Variants in ATG7 observed in about 807,000 individuals in gnomAD.
ATG7 encodes ubiquitin-like modifier-activating enzyme ATG7.
ATG7 carries 70 observed loss-of-function variants against 82.4 expected under a neutral mutation model. The observed-to-expected ratio is 0.85, with a 90% CI of 0.70 to 1.04. ATG7 has a LOEUF of 1.04. Among genes scored for constraint, ATG7 ranks in the 50% least tolerant of loss-of-function variants. The pLI is 0.00. For missense variants in ATG7, 792 were observed against 864.3 expected, an observed-to-expected ratio of 0.92 and a Z score of 1.05; for synonymous variants, 287 against 313.0, an observed-to-expected ratio of 0.92 and a Z score of 0.88.
chr3:11,540,826 C>G (rs895041137), intron 20 of ATG7, among the ~76,000 whole-genome samples: 2 of 148,032 alleles, frequency 1.4e-5, no homozygotes, highest in Admixed American at 1.4e-4. Context: ...CTTTTAGTGT[C>G]CTAAGAAATC....
At chr3:11,553,561 T>A (rs1483094016) in intron 20 of ATG7, among the ~76,000 whole-genome samples, 3 of 152,144 alleles carry the variant, frequency 2.0e-5, no homozygotes, top group Non-Finnish European at 4.4e-5. Flanking sequence ...TGGGGGAGTT[T>A]CCAGCCGCAC....
At chr3:11,424,093 C>T (rs1375261745) in intron 19 of ATG7, among the ~76,000 whole-genome samples, 1 of 152,086 alleles carries the variant, frequency 6.6e-6, no homozygotes. Context: ...GCTCCCCTGC[C>T]TCCCGTCGCC....
intron 19 of ATG7, among the ~76,000 whole-genome samples, chr3:11,383,690 C>T (rs1468821801): frequency 1.3e-5 from 2 of 152,100 alleles, no homozygotes; most frequent in Admixed American, 6.5e-5. Context: ...CCTCGTGATC[C>T]GCCCGCCTCA....
the ATG7 span, among the ~76,000 whole-genome samples, chr3:11,572,252 A>C: frequency 6.6e-6 from 1 of 152,240 alleles, no homozygotes; most frequent in African/African-American, 2.4e-5. Context: ...AATAAGCATC[A>C]TCTCCATTTT....
chr3:11,512,428 C>G (rs1370837032), intron 20 of ATG7, among the ~76,000 whole-genome samples: 1 of 152,212 alleles, frequency 6.6e-6, no homozygotes, highest in Non-Finnish European at 1.5e-5. Flanking sequence ...AGCTTTGGTT[C>G]TGTCATTGCA....
At chr3:11,299,496 G>A (rs1250605459) in intron 5 of ATG7, 80 bp downstream of exon 5, 9 of 1,435,702 alleles carry the variant, frequency 6.3e-6, no homozygotes, top group Non-Finnish European at 2.0e-6. Context: ...TCCCTCATAG[G>A]TGGACCACAG....
intron 20 of ATG7, among the ~76,000 whole-genome samples, chr3:11,534,951 G>T (rs935987818): frequency 1.3e-5 from 2 of 152,238 alleles, no homozygotes; most frequent in Non-Finnish European, 2.9e-5. Flanking sequence ...CCTGGCAGAA[G>T]CCTCCACTCC....
the ATG7 span, among the ~76,000 whole-genome samples, chr3:11,566,972 G>A: frequency 6.6e-6 from 1 of 152,198 alleles, no homozygotes; most frequent in African/African-American, 2.4e-5. Flanking sequence ...CAGAATCATG[G>A]AGAGCTGGAG....
intron 3 of ATG7, among the ~76,000 whole-genome samples, chr3:11,289,089 CTA>C (rs915781814): frequency 1.3e-5 from 2 of 152,170 alleles, no homozygotes; most frequent in African/African-American, 4.8e-5. Context: ...ACATTGATGC[CTA>C]TGTTAATTTC....
At chr3:11,513,215 A>C (rs1055591701) in intron 20 of ATG7, among the ~76,000 whole-genome samples, 1 of 152,236 alleles carries the variant, frequency 6.6e-6, no homozygotes, top group Non-Finnish European at 1.5e-5. Context: ...CTGCAGGTGG[A>C]GCTGCCTGCC....
the ATG7 span, among the ~76,000 whole-genome samples, chr3:11,573,361 AAG>A: frequency 5.9e-5 from 7 of 118,762 alleles, no homozygotes; most frequent in African/African-American, 1.1e-4. Context: ...GAAAGAAAGA[AAG>A]AAAGAAAGAA....
intron 14 of ATG7, among the ~76,000 whole-genome samples, chr3:11,355,326 G>A (rs2075859966): frequency 6.6e-6 from 1 of 152,142 alleles, no homozygotes; most frequent in Non-Finnish European, 1.5e-5. Context: ...TAGTGGTCTT[G>A]TGATAAAGAT....
At chr3:11,458,954 C>T (rs573623203) in intron 20 of ATG7, among the ~76,000 whole-genome samples, 2 of 152,252 alleles carry the variant, frequency 1.3e-5, no homozygotes, top group Admixed American at 1.3e-4. Context: ...TGCGAGGGAT[C>T]TGGGTTGCCC....
At chr3:11,535,118 G>A (rs1338026316) in intron 20 of ATG7, among the ~76,000 whole-genome samples, 2 of 152,220 alleles carry the variant, frequency 1.3e-5, no homozygotes, top group Non-Finnish European at 2.9e-5. Flanking sequence ...TTGCTTGGGG[G>A]CCCCCCTTGA....
chr3:11,364,043 C>T (rs2076444112), intron 17 of ATG7, among the ~76,000 whole-genome samples: 1 of 152,200 alleles, frequency 6.6e-6, no homozygotes, highest in African/African-American at 2.4e-5. Context: ...TGACACTGAG[C>T]CTCTGTCTGC....
At chr3:11,403,705 GC>G (rs2080063263) in intron 19 of ATG7, among the ~76,000 whole-genome samples, 1 of 152,120 alleles carries the variant, frequency 6.6e-6, no homozygotes. Flanking sequence ...TAATGAAAAG[GC>G]AAGGAATATA....
intron 16 of ATG7, among the ~76,000 whole-genome samples, chr3:11,361,004 A>C (rs780481783): frequency 8.5e-5 from 13 of 152,148 alleles, no homozygotes; most frequent in Admixed American, 2.0e-4. Flanking sequence ...CGCGGCTACA[A>C]ACCATATTTT....
At chr3:11,491,785 C>T (rs1304173173) in intron 20 of ATG7, among the ~76,000 whole-genome samples, 1 of 152,164 alleles carries the variant, frequency 6.6e-6, no homozygotes, top group East Asian at 1.9e-4. Flanking sequence ...TGCAGAATAG[C>T]GAATTTTTGT....
intron 7 of ATG7, among the ~76,000 whole-genome samples, chr3:11,309,725 A>G (rs1359302813): frequency 6.6e-6 from 1 of 152,196 alleles, no homozygotes; most frequent in Non-Finnish European, 1.5e-5. Context: ...AGGCACGTGC[A>G]CACACACAGC....
Sources: gnomAD v4.1 joint callset for allele counts (sites outside exome capture counted in the v4.1 genomes callset) on GRCh38, gnomAD v4.1.1 for gene constraint, MANE v1.5 for transcripts, NCBI Gene and HGNC (gene_info 2026-07-23, HGNC 2026-07-21) for gene names.